The following ATM variants were observed in gnomAD, a reference collection of about 807,000 sequenced individuals.
The protein encoded by ATM is ATM serine/threonine kinase.
ATM carries 308 observed loss-of-function variants against 387.0 expected under a neutral mutation model. The observed-to-expected ratio is 0.80, with a 90% CI of 0.73 to 0.87. The LOEUF (loss-of-function observed/expected upper bound fraction) is 0.87, where lower values mean the gene tolerates loss of function less well. ATM is among the 40% of genes least tolerant of loss of function. The pLI is 0.00. For missense variants in ATM, 3,312 were observed against 3,560.9 expected (o/e 0.93, Z 1.78); for synonymous variants, 1,156 against 1,187.3 (o/e 0.97, Z 0.54).
intron 16 of ATM, among the ~76,000 whole-genome samples, chr11:108,259,554 A>G (rs1049085136): frequency 3.0e-4 from 45 of 152,308 alleles, no homozygotes; most frequent in African/African-American, 1.0e-3. Flanking sequence ...GGGGAAATAT[A>G]CCTGATTGCT....
intron 57 of ATM, among the ~76,000 whole-genome samples, chr11:108,345,082 T>C (rs1044502614): frequency 2.6e-5 from 4 of 151,986 alleles, no homozygotes; most frequent in African/African-American, 9.7e-5. Context: ...GGGTAGATGG[T>C]GAAGCTCTTT....
chr11:108,353,715 A>G, intron 59 of ATM, 51 bp from the exon 60 acceptor site: 1 of 1,422,276 alleles, frequency 7.0e-7, no homozygotes, highest in Non-Finnish European at 9.9e-7. Context: ...AACTGGAAAG[A>G]AAGTAAATTA....
chr11:108,321,149 T>C, intron 44 of ATM, 152 bp from the exon 45 acceptor site: 2 of 1,013,452 alleles, frequency 2.0e-6, no homozygotes, highest in Admixed American at 2.5e-5. Context: ...GTATTTTGTT[T>C]CCACTGCTAT....
intron 37 of ATM, among the ~76,000 whole-genome samples, 158 bp downstream of exon 37, chr11:108,305,010 T>TG (rs1184976266): frequency 6.6e-6 from 1 of 152,220 alleles, no homozygotes; most frequent in Admixed American, 6.5e-5. Context: ...TGCCAACAGT[T>TG]GCAACAAGTT....
At chr11:108,272,938 A>G (rs2081680787) in intron 22 of ATM, 86 bp downstream of exon 22, 1 of 1,542,866 alleles carries the variant, frequency 6.5e-7, no homozygotes, top group Non-Finnish European at 8.9e-7. Flanking sequence ...CAGTTGCAAT[A>G]TTAAAAATAG....
intron 61 of ATM, among the ~76,000 whole-genome samples, chr11:108,356,801 G>C (rs1236165710): frequency 6.6e-6 from 1 of 152,202 alleles, no homozygotes; most frequent in Non-Finnish European, 1.5e-5. Flanking sequence ...GAGATCAAAT[G>C]AGAGAAGTGA....
chr11:108,312,998 A>G (rs2084307224), intron 40 of ATM, among the ~76,000 whole-genome samples: 1 of 152,088 alleles, frequency 6.6e-6, no homozygotes, highest in Non-Finnish European at 1.5e-5. Flanking sequence ...TAAACCTCTC[A>G]TCTTCTCTTC....
At chr11:108,255,266 T>C (rs1430981816) in intron 13 of ATM, among the ~76,000 whole-genome samples, 1 of 152,112 alleles carries the variant, frequency 6.6e-6, no homozygotes, top group Admixed American at 6.6e-5. Flanking sequence ...ACTGACATTC[T>C]TCTGCACCAC....
rs368053978 is a variant in ATM at position 108,359,748 on chromosome 11, C to T, written c.8850+4874C>T. Among the ~76,000 whole-genome samples the T allele has an allele frequency of 3.3e-5, 5 of 152,054 alleles. No homozygotes were observed. In the South Asian group the frequency reaches 6.2e-4, roughly 19 times the overall value. ...AAATAAAGATGTTCTTTGAAACCAA[C>T]GAGAACAAAGACACAACGTACCAGA... On this transcript the variant is annotated intron_variant, in intron 61 of 62. Transcript: ENST00000675843.
rs910696648 is a variant in ATM, at chr11:108,245,178, GTTT to G, written c.901+155_901+157del. 8.1e-6 allele frequency: 6 copies of G among 737,294 alleles called. No individual in the cohort carries two copies. In the African/African-American group the frequency reaches 1.1e-4, roughly 13 times the overall value. The allele number at this position is 737,294 out of a possible 1,614,324, so 45.7% of individuals were successfully genotyped here. On this transcript the variant is annotated intron_variant, in intron 7 of 62. Coordinates refer to ENST00000675843, the MANE Select transcript of ATM (RefSeq NM_000051.4). Reference sequence around the variant, plus strand: ...TAGCCATGAGAATGTTTTTCATAGAGTTTTTAGAATTTGAAGCAGTGGTAGCAG... The same window carrying G: ...TAGCCATGAGAATGTTTTTCATAGAGTTAGAATTTGAAGCAGTGGTAGCAG...
At position 108,247,043 on chromosome 11, in the gene ATM, A is replaced by G. The variant is rs2079883932; in HGVS notation, c.981A>G (p.Gly327=). 2 of 1,613,628 alleles carry G rather than the reference A, an allele frequency of 1.2e-6. No homozygotes were observed. Among genetic ancestry groups the G allele is most frequent in the Non-Finnish European group, 1.7e-6 (2 of 1,179,716 alleles). Residue 327 remains glycine (G), a synonymous_variant, in exon 8 of 63, where the codon GGA becomes GGG. Transcript: ENST00000675843. ...DLLVNEISHI[G]SRGKYSSGFR... ...TAGTGAATGAGATAAGTCATATAGG[A>G]AGTAGAGGAAAGTATTCTTCAGGAT...
intron 13 of ATM, among the ~76,000 whole-genome samples, chr11:108,255,150 T>C (rs2080392860): frequency 6.6e-6 from 1 of 152,134 alleles, no homozygotes; most frequent in Non-Finnish European, 1.5e-5. Context: ...TATTACATGG[T>C]AAATGATTAA....
rs976997407 is a variant in ATM, at chr11:108,255,616, A to G, written c.2125-599A>G. On this transcript the variant is annotated intron_variant, in intron 13 of 62. Transcript: ENST00000675843. ...AATATTTGTATTTTTAGTAGAGACA[A>G]GGTTTCACCACGTTAGCCAGGTTGG... is the stretch of plus-strand genomic sequence containing the variant. Among the ~76,000 whole-genome samples the G allele has an allele frequency of 6.6e-5, 10 of 151,960 alleles. No individual in the cohort carries two copies. In the East Asian group the frequency reaches 7.8e-4, roughly 12 times the overall value.
intron 34 of ATM, 113 bp downstream of exon 34, chr11:108,299,998 A>C: frequency 2.9e-6 from 3 of 1,038,020 alleles, no homozygotes; most frequent in Non-Finnish European, 4.3e-6. Context: ...TTTAAATCTC[A>C]GTGTCTTTAT....
Position 108,252,059 on chromosome 11 carries a change from G to T in ATM, c.1802+28G>T, listed in dbSNP as rs1591528655. ...AATTTAAGTTCATTAGCATGCTGCT[G>T]TTTTTTTTGTTTGTTTTATCAGGCT... On this transcript the variant is annotated intron_variant, in intron 11 of 62. Transcript: ENST00000675843. 1 of 1,592,160 alleles carries T rather than the reference G, an allele frequency of 6.3e-7. No homozygotes were observed. Among genetic ancestry groups the T allele is most frequent in the Non-Finnish European group, 8.6e-7 (1 of 1,166,168 alleles).
At chr11:108,258,230 A>G (rs555058173) in intron 15 of ATM, among the ~76,000 whole-genome samples, 1 of 152,234 alleles carries the variant, frequency 6.6e-6, no homozygotes, top group Non-Finnish European at 1.5e-5. Flanking sequence ...TTTAAAATTC[A>G]GTTGAATGGT....
Position 108,292,717 on chromosome 11 carries a change from C to T in ATM, c.4535C>T (p.Ala1512Val), listed in dbSNP as rs1591674385. The T allele has an allele frequency of 6.2e-7, 1 of 1,613,884 alleles. No homozygotes were observed. Among genetic ancestry groups the T allele is most frequent in the Middle Eastern group, 1.7e-4 (1 of 6,060 alleles). The change falls in exon 30 of 63, where the codon GCT becomes GTT. Residue 1512 changes from alanine (A) to valine (V), a missense_variant. By Grantham distance (64) the Ala-to-Val change is moderately conservative (BLOSUM62 0). Transcript: ENST00000675843. Reference sequence around the variant, plus strand: ...ACAGCCGTGACTTACTGTAAGGATGCTCTAGAAAACCATCTTCATGTTATT... The same window carrying T: ...ACAGCCGTGACTTACTGTAAGGATGTTCTAGAAAACCATCTTCATGTTATT... ...CQTAVTYCKD[A>V]LENHLHVIVG... is the part of the protein sequence containing the mutation.
At chr11:108,306,616 C>A (rs2083707550) in intron 37 of ATM, among the ~76,000 whole-genome samples, 1 of 151,998 alleles carries the variant, frequency 6.6e-6, no homozygotes. Flanking sequence ...GTATACAGTG[C>A]CAATATTTTT....
chr11:108,322,215 T>A (rs1380566088), intron 45 of ATM, among the ~76,000 whole-genome samples: 13 of 152,152 alleles, frequency 8.5e-5, no homozygotes, highest in Admixed American at 7.9e-4. Context: ...AGTGTCATGG[T>A]ATAATCTCAG....
Sources: gnomAD v4.1 joint callset for allele counts (sites outside exome capture counted in the v4.1 genomes callset) on GRCh38, gnomAD v4.1.1 for gene constraint, MANE v1.5 for transcripts, NCBI Gene and HGNC (gene_info 2026-07-23, HGNC 2026-07-21) for gene names.